Variants in AGBL4 observed in about 807,000 individuals in gnomAD.
The protein encoded by AGBL4 is AGBL carboxypeptidase 4, also known as cytosolic carboxypeptidase 6.
A neutral mutation model predicts 66.4 loss-of-function variants in AGBL4; 58 were observed. The observed-to-expected ratio is 0.87, with a 90% CI of 0.71 to 1.09. The LOEUF (loss-of-function observed/expected upper bound fraction) is 1.09. Among genes scored for constraint, AGBL4 ranks in the 50% least tolerant of loss-of-function variants. The pLI is 0.00. For synonymous variants in AGBL4, 234 were observed against 222.9 expected, an observed-to-expected ratio of 1.05 and a Z score of -0.44; for missense variants, 579 against 631.0, an observed-to-expected ratio of 0.92 and a Z score of 0.88.
intron 2 of AGBL4, among the ~76,000 whole-genome samples, chr1:49,812,932 A>G (rs1380640286): frequency 6.6e-6 from 1 of 152,202 alleles, no homozygotes; most frequent in East Asian, 1.9e-4. Flanking sequence ...AAGAAGACAT[A>G]TAAATATCCC....
At chr1:49,124,256 C>T (rs1645720672) in intron 4 of AGBL4, among the ~76,000 whole-genome samples, 1 of 152,164 alleles carries the variant, frequency 6.6e-6, no homozygotes, top group Non-Finnish European at 1.5e-5. Context: ...ATTTCCCCTG[C>T]CTCCAATCCT....
intron 3 of AGBL4, among the ~76,000 whole-genome samples, chr1:49,340,120 C>T (rs761058612): frequency 1.4e-4 from 21 of 151,646 alleles, no homozygotes; most frequent in Non-Finnish European, 2.4e-4. Context: ...CCTTCCACAG[C>T]GATCTGCCCT....
intron 2 of AGBL4, among the ~76,000 whole-genome samples, chr1:49,732,837 T>C (rs909285153): frequency 1.3e-5 from 2 of 151,944 alleles, no homozygotes; most frequent in African/African-American, 4.8e-5. Flanking sequence ...GAGAATGAAA[T>C]GGGAAGAAAG....
At chr1:48,922,946 C>A (rs1654217824) in intron 5 of AGBL4, among the ~76,000 whole-genome samples, 1 of 150,352 alleles carries the variant, frequency 6.7e-6, no homozygotes, top group African/African-American at 2.4e-5. Flanking sequence ...CATACATATG[C>A]AAATAAATTA....
intron 1 of AGBL4, among the ~76,000 whole-genome samples, chr1:49,970,351 T>C (rs1657948801): frequency 6.6e-6 from 1 of 151,984 alleles, no homozygotes. Flanking sequence ...AAACCAAATA[T>C]CTGACAAAGG....
chr1:49,780,251 A>AT (rs769549647), intron 2 of AGBL4, among the ~76,000 whole-genome samples: 100 of 152,256 alleles, frequency 6.6e-4, no homozygotes, highest in Middle Eastern at 3.4e-3. Flanking sequence ...CTGTTAAATG[A>AT]TTTTTAAAGC....
chr1:49,398,171 CTG>C (rs1487396740), intron 3 of AGBL4, among the ~76,000 whole-genome samples: 1 of 152,130 alleles, frequency 6.6e-6, no homozygotes, highest in Admixed American at 6.5e-5. Context: ...TTCTGACTGT[CTG>C]TGAGGATTTT....
At chr1:49,463,578 G>A (rs1646562110) in intron 3 of AGBL4, among the ~76,000 whole-genome samples, 1 of 151,672 alleles carries the variant, frequency 6.6e-6, no homozygotes, top group Admixed American at 6.6e-5. Flanking sequence ...GCTACTTTCT[G>A]AGGCTTTCTC....
chr1:48,998,011 C>G (rs1009448832), intron 5 of AGBL4, among the ~76,000 whole-genome samples: 11 of 152,084 alleles, frequency 7.2e-5, no homozygotes, highest in African/African-American at 2.7e-4. Context: ...TTTGGGTATT[C>G]CAAAAACAGA....
intron 2 of AGBL4, among the ~76,000 whole-genome samples, chr1:49,735,762 A>G (rs1394821824): frequency 2.6e-5 from 4 of 152,162 alleles, no homozygotes; most frequent in Non-Finnish European, 4.4e-5. Flanking sequence ...CCGTAAAAAA[A>G]GTAATAACTG....
intron 2 of AGBL4, chr1:49,845,901 C>G (rs976699955): frequency 1.4e-6 from 2 of 1,416,788 alleles, no homozygotes; most frequent in African/African-American, 1.4e-5. Context: ...CAAATCCACA[C>G]AGGGCAGAAG....
chr1:49,453,753 G>C (rs988531329), intron 3 of AGBL4, among the ~76,000 whole-genome samples: 1 of 151,832 alleles, frequency 6.6e-6, no homozygotes. Flanking sequence ...AATCAGAGAG[G>C]AGGTAATGAA....
At chr1:49,176,494 T>C (rs1220625584) in intron 4 of AGBL4, among the ~76,000 whole-genome samples, 1 of 152,150 alleles carries the variant, frequency 6.6e-6, no homozygotes, top group African/African-American at 2.4e-5. Context: ...GCTATCCTTA[T>C]AATGGGACAA....
intron 2 of AGBL4, among the ~76,000 whole-genome samples, chr1:49,787,368 T>C (rs1292366129): frequency 1.3e-5 from 2 of 152,082 alleles, no homozygotes; most frequent in East Asian, 3.9e-4. Flanking sequence ...CCGGGCGTGG[T>C]GGCGGACGCC....
intron 11 of AGBL4, among the ~76,000 whole-genome samples, chr1:48,576,128 C>A (rs976617473): frequency 6.6e-6 from 1 of 152,198 alleles, no homozygotes; most frequent in Non-Finnish European, 1.5e-5. Context: ...AATCAGGCTG[C>A]ACCGCAGGAG....
chr1:49,491,144 TA>T (rs1258084579), intron 3 of AGBL4, among the ~76,000 whole-genome samples: 1 of 151,850 alleles, frequency 6.6e-6, no homozygotes, highest in Non-Finnish European at 1.5e-5. Flanking sequence ...CCCTTGTGTC[TA>T]ATGCAGTACT....
At chr1:49,850,699 T>C (rs564445900) in intron 2 of AGBL4, among the ~76,000 whole-genome samples, 17 of 152,146 alleles carry the variant, frequency 1.1e-4, no homozygotes, top group African/African-American at 4.1e-4. Context: ...CACATACTTA[T>C]GCACACACAT....
At chr1:49,882,912 T>C (rs776321127) in intron 1 of AGBL4, among the ~76,000 whole-genome samples, 6 of 152,164 alleles carry the variant, frequency 3.9e-5, no homozygotes, top group Non-Finnish European at 7.4e-5. Flanking sequence ...GAGAGTCCTA[T>C]ACAACTTCTA....
intron 6 of AGBL4, among the ~76,000 whole-genome samples, chr1:48,693,904 G>A (rs149002613): frequency 2.0e-5 from 3 of 152,064 alleles, no homozygotes; most frequent in Admixed American, 6.5e-5. Flanking sequence ...ACGGAATTGC[G>A]AGGATCTGGA....
Sources: gnomAD v4.1 joint callset for allele counts (sites outside exome capture counted in the v4.1 genomes callset) on GRCh38, gnomAD v4.1.1 for gene constraint, MANE v1.5 for transcripts, NCBI Gene and HGNC (gene_info 2026-07-23, HGNC 2026-07-21) for gene names.